The following CSMD3 variants were observed in gnomAD, a reference collection of about 807,000 sequenced individuals.
CSMD3 encodes CUB and sushi domain-containing protein 3.
Under a neutral mutation model 435.2 loss-of-function variants are expected in CSMD3, and 177 were observed. The observed-to-expected ratio is 0.41, with a 90% CI of 0.36 to 0.46. The LOEUF is 0.46. CSMD3 is among the 20% of genes least tolerant of loss of function. The pLI is 0.34. For missense variants in CSMD3, 4,265 were observed against 4,504.6 expected, an observed-to-expected ratio of 0.95 and a Z score of 1.52; for synonymous variants, 1,656 against 1,520.5, an observed-to-expected ratio of 1.09 and a Z score of -2.07.
At chr8:112,482,735 T>C (rs1345107146) in intron 31 of CSMD3, among the ~76,000 whole-genome samples, 1 of 152,204 alleles carries the variant, frequency 6.6e-6, no homozygotes, top group Non-Finnish European at 1.5e-5. Flanking sequence ...AATATATTAG[T>C]TTAAAATGAC....
intron 36 of CSMD3, among the ~76,000 whole-genome samples, chr8:112,390,396 C>T (rs74749745): frequency 6.6e-6 from 1 of 152,114 alleles, no homozygotes. Context: ...ACACACTGAA[C>T]CCCTGAAATA....
intron 3 of CSMD3, among the ~76,000 whole-genome samples, chr8:113,177,248 T>G (rs898655450): frequency 1.6e-4 from 25 of 151,778 alleles, no homozygotes; most frequent in African/African-American, 5.1e-4. Context: ...ATGTATGTTG[T>G]ATTTACAGTA....
chr8:112,869,387 T>C (rs1436810284), intron 10 of CSMD3, among the ~76,000 whole-genome samples: 1 of 152,152 alleles, frequency 6.6e-6, no homozygotes, highest in Non-Finnish European at 1.5e-5. Context: ...CAAAATAAAA[T>C]TAATGTTTTT....
At chr8:112,227,878 T>C (rs1227193902) in intron 70 of CSMD3, among the ~76,000 whole-genome samples, 1 of 151,930 alleles carries the variant, frequency 6.6e-6, no homozygotes, top group Non-Finnish European at 1.5e-5. Flanking sequence ...CCGTCTCTAC[T>C]AAAAATACAA....
Position 112,859,227 on chromosome 8 carries a change from G to A in CSMD3, c.1673C>T (p.Thr558Ile), listed in dbSNP as rs752389256. ...CGSNLQGPSG[T>I]FTSPNFPFQY... is the part of the protein sequence containing the mutation. ...GAACGGAAAGTTGGGAGATGTAAAG[G>A]TACCACTTGGTCCTTGAAGATTAGA... Residue 558 changes from threonine to isoleucine, a missense_variant, in exon 11 of 71, where the codon ACC becomes ATC. Thr to Ile is a moderately conservative substitution (Grantham distance 89). This residue lies in a region of CSMD3 where 731 missense variants were observed against 755.4 expected (regional missense o/e 0.97). Transcript: ENST00000297405. 1.2e-6 allele frequency: 2 copies of A among 1,610,868 alleles called. No individual in the cohort carries two copies. The highest frequency in any genetic ancestry group is 4.5e-5 in the East Asian group (2 of 44,746).
intron 5 of CSMD3, among the ~76,000 whole-genome samples, chr8:113,056,291 C>G (rs1336588112): frequency 6.6e-5 from 10 of 152,290 alleles, no homozygotes; most frequent in Non-Finnish European, 1.2e-4. Flanking sequence ...CCTGCAACTA[C>G]TGAATGCCAG....
At chr8:112,284,098 A>G (rs1315851279) in intron 58 of CSMD3, among the ~76,000 whole-genome samples, 1 of 151,882 alleles carries the variant, frequency 6.6e-6, no homozygotes, top group African/African-American at 2.4e-5. Context: ...ACCACTAAAG[A>G]TATTATAACA....
intron 1 of CSMD3, among the ~76,000 whole-genome samples, chr8:113,380,743 C>T (rs2094411480): frequency 6.6e-6 from 1 of 152,072 alleles, no homozygotes; most frequent in Non-Finnish European, 1.5e-5. Context: ...TGACTTATGT[C>T]GTCACCAAAT....
intron 45 of CSMD3, among the ~76,000 whole-genome samples, chr8:112,334,992 G>GA (rs1007639002): frequency 1.3e-5 from 2 of 152,022 alleles, no homozygotes; most frequent in East Asian, 1.9e-4. Flanking sequence ...TTTTGTATAG[G>GA]AAAAAAATCT....
chr8:113,178,309 C>T (rs2092376713), intron 3 of CSMD3, among the ~76,000 whole-genome samples: 1 of 151,884 alleles, frequency 6.6e-6, no homozygotes, highest in African/African-American at 2.4e-5. Context: ...AAATAGCAGA[C>T]TTGTGGTTCA....
intron 53 of CSMD3, among the ~76,000 whole-genome samples, chr8:112,297,831 A>C (rs1408408932): frequency 6.6e-6 from 1 of 152,100 alleles, no homozygotes; most frequent in African/African-American, 2.4e-5. Context: ...ATTTAGATAA[A>C]CAACTTTAGT....
At chr8:112,867,094 T>A (rs937985328) in intron 10 of CSMD3, among the ~76,000 whole-genome samples, 2 of 152,194 alleles carry the variant, frequency 1.3e-5, no homozygotes, top group South Asian at 2.1e-4. Flanking sequence ...TACCTAAAGA[T>A]GGACAACTTT....
chr8:112,255,405 A>G lies in CSMD3; in HGVS notation c.9885T>C (p.Gly3295=). Reference sequence around the variant, plus strand: ...CTTCTCTTTTTCCTTGGGCAGGTATACCAGGGTCACCACAAAACTTTGCTG... The same window carrying G: ...CTTCTCTTTTTCCTTGGGCAGGTATGCCAGGGTCACCACAAAACTTTGCTG... ...QCLPKFCGDP[G]IPAQGKREGK... is the part of the protein sequence containing the mutation. The change falls in exon 62 of 71, where the codon GGT becomes GGC. Residue 3295 remains glycine (G), a synonymous_variant. Transcript: ENST00000297405. The G allele has an allele frequency of 6.2e-7, 1 of 1,613,688 alleles. No individual in the cohort carries two copies. Among genetic ancestry groups the G allele is most frequent in the Middle Eastern group, 1.7e-4 (1 of 6,060 alleles).
At chr8:112,730,981 C>A (rs139975749) in intron 13 of CSMD3, among the ~76,000 whole-genome samples, 8 of 152,120 alleles carry the variant, frequency 5.3e-5, no homozygotes, top group Non-Finnish European at 1.2e-4. Context: ...AGCAAACAAA[C>A]AACTCCCAGT....
chr8:113,362,876 G>C (rs948658505), intron 1 of CSMD3, among the ~76,000 whole-genome samples: 1 of 152,242 alleles, frequency 6.6e-6, no homozygotes, highest in Middle Eastern at 3.4e-3. Context: ...AATGGTAAAG[G>C]CAGTATTTGC....
chr8:112,997,459 G>T (rs1004362939), intron 6 of CSMD3, among the ~76,000 whole-genome samples: 2 of 151,434 alleles, frequency 1.3e-5, no homozygotes, highest in African/African-American at 4.8e-5. Context: ...ATGAAATTTA[G>T]TTGTATAAAA....
chr8:113,120,533 T>G (rs1363646808), intron 4 of CSMD3, among the ~76,000 whole-genome samples: 1 of 152,178 alleles, frequency 6.6e-6, no homozygotes, highest in Admixed American at 6.6e-5. Context: ...CAAATAAAAG[T>G]AAGCAGCGTT....
intron 9 of CSMD3, among the ~76,000 whole-genome samples, chr8:112,928,783 A>C (rs989408735): frequency 6.7e-6 from 1 of 149,540 alleles, no homozygotes; most frequent in Non-Finnish European, 1.5e-5. Context: ...CATGATTTAT[A>C]GTCCTTTGGG....
At chr8:113,057,991 A>G (rs1430395620) in intron 5 of CSMD3, among the ~76,000 whole-genome samples, 1 of 151,882 alleles carries the variant, frequency 6.6e-6, no homozygotes, top group Non-Finnish European at 1.5e-5. Context: ...ATCACTAAAG[A>G]AAAATTAGCT....
Sources: gnomAD v4.1 joint callset for allele counts (sites outside exome capture counted in the v4.1 genomes callset) on GRCh38, gnomAD v4.1.1 for gene constraint, gnomAD v4.1.1 regional missense constraint, MANE v1.5 for transcripts, NCBI Gene and HGNC (gene_info 2026-07-23, HGNC 2026-07-21) for gene names.